PDE10A: variants seen among roughly 807,000 people sequenced by gnomAD.
The protein encoded by PDE10A is phosphodiesterase 10A.
Under a neutral mutation model 97.7 loss-of-function variants are expected in PDE10A, and 39 were observed. That is an observed-to-expected ratio of 0.40 (90% CI 0.31 to 0.52). The LOEUF is 0.52. Among genes scored for constraint, PDE10A ranks in the 20% least tolerant of loss-of-function variants. The pLI, the probability that PDE10A is intolerant of heterozygous loss-of-function variation, is 0.56. For synonymous variants in PDE10A, 371 were observed against 376.8 expected, an observed-to-expected ratio of 0.98 and a Z score of 0.18; for missense variants, 731 against 1,047.8, an observed-to-expected ratio of 0.70 and a Z score of 4.17.
chr6:165,887,702 C>T (rs1781666654), intron 1 of PDE10A, among the ~76,000 whole-genome samples: 1 of 152,228 alleles, frequency 6.6e-6, no homozygotes, highest in South Asian at 2.1e-4. Context: ...ACCTTCAAGA[C>T]ACATCCAGAG....
intron 1 of PDE10A, among the ~76,000 whole-genome samples, chr6:165,632,538 A>G (rs773530499): frequency 3.7e-4 from 56 of 152,190 alleles, no homozygotes; most frequent in Non-Finnish European, 7.1e-4. Context: ...GAAAAAGCAG[A>G]GCTATGCTCT....
At chr6:165,430,481 CA>C in intron 8 of PDE10A, 136 bp from the exon 9 acceptor site, 1 of 569,642 alleles carries the variant, frequency 1.8e-6, no homozygotes, top group Non-Finnish European at 3.1e-6. Context: ...ATAATAATAT[CA>C]ATAACCATTA....
At chr6:165,605,168 G>A (rs371517193) in intron 1 of PDE10A, among the ~76,000 whole-genome samples, 10 of 152,006 alleles carry the variant, frequency 6.6e-5, no homozygotes, top group Middle Eastern at 3.4e-3. Flanking sequence ...TCTCTACAGC[G>A]GTCCACCAGT....
At chr6:165,515,841 C>T (rs905156721) in intron 2 of PDE10A, among the ~76,000 whole-genome samples, 11 of 151,966 alleles carry the variant, frequency 7.2e-5, no homozygotes, top group Non-Finnish European at 1.6e-4. Flanking sequence ...ATATTTAAGA[C>T]TGTATCATTG....
At chr6:165,426,112 T>C (rs1227858565) in intron 10 of PDE10A, among the ~76,000 whole-genome samples, 8 of 152,190 alleles carry the variant, frequency 5.3e-5, no homozygotes, top group African/African-American at 1.9e-4. Context: ...GTTGTTAAGA[T>C]GGCAATACTT....
chr6:165,408,946 A>C (rs985418007), intron 13 of PDE10A, among the ~76,000 whole-genome samples: 1 of 151,790 alleles, frequency 6.6e-6, no homozygotes, highest in Non-Finnish European at 1.5e-5. Context: ...CGGGCGGATC[A>C]CGAGGTCAGG....
chr6:165,485,425 A>G (rs1613103), intron 2 of PDE10A, among the ~76,000 whole-genome samples: 42,865 of 146,510 alleles, frequency 0.29, 6,646 homozygotes, highest in African/African-American at 0.4. Context: ...CCAAGGTCAC[A>G]TGACTGCACT....
chr6:165,977,696 T>C (rs1784890589), intron 1 of PDE10A, among the ~76,000 whole-genome samples: 1 of 152,172 alleles, frequency 6.6e-6, no homozygotes, highest in South Asian at 2.1e-4. Flanking sequence ...CAATGACTAA[T>C]AAAGAACATT....
intron 1 of PDE10A, among the ~76,000 whole-genome samples, chr6:165,693,509 C>T (rs376251012): frequency 1.7e-3 from 181 of 104,918 alleles, no homozygotes; most frequent in African/African-American, 6.1e-3. Context: ...CCAGCTTGGG[C>T]GGCAGAGGGA....
chr6:165,648,242 G>C (rs1386234620), intron 1 of PDE10A, among the ~76,000 whole-genome samples: 1 of 152,018 alleles, frequency 6.6e-6, no homozygotes, highest in Non-Finnish European at 1.5e-5. Flanking sequence ...TCGATCTCCT[G>C]ACCTCGTGAT....
intron 3 of PDE10A, among the ~76,000 whole-genome samples, chr6:165,461,581 C>T (rs1296531230): frequency 2.6e-5 from 4 of 152,158 alleles, no homozygotes; most frequent in Admixed American, 6.5e-5. Flanking sequence ...TGCTCAGTTA[C>T]GATTTCATAC....
chr6:165,678,933 T>A (rs920664831), intron 1 of PDE10A, among the ~76,000 whole-genome samples: 4 of 152,156 alleles, frequency 2.6e-5, no homozygotes, highest in Non-Finnish European at 5.9e-5. Flanking sequence ...TTCCGATTCG[T>A]GTATGTTAAG....
At chr6:165,337,559 G>C (rs1331707459) in intron 20 of PDE10A, among the ~76,000 whole-genome samples, 1 of 152,128 alleles carries the variant, frequency 6.6e-6, no homozygotes, top group African/African-American at 2.4e-5. Context: ...CAAGATCCCA[G>C]AAAAGATACT....
intron 13 of PDE10A, among the ~76,000 whole-genome samples, chr6:165,397,258 T>C (rs1226638194): frequency 1.3e-5 from 2 of 152,212 alleles, no homozygotes; most frequent in Non-Finnish European, 2.9e-5. Context: ...TTGTGAATTA[T>C]TAAATAGGTG....
chr6:165,730,540 T>C (rs1792403901), intron 1 of PDE10A, among the ~76,000 whole-genome samples: 1 of 148,968 alleles, frequency 6.7e-6, no homozygotes, highest in Non-Finnish European at 1.5e-5. Flanking sequence ...TCACTTGAGG[T>C]CAGGGGTTCG....
chr6:165,807,122 G>A (rs1027876277), intron 1 of PDE10A, among the ~76,000 whole-genome samples: 2 of 151,908 alleles, frequency 1.3e-5, no homozygotes, highest in African/African-American at 2.4e-5. Context: ...ACCTGAGATG[G>A]AGAGCTGAGT....
At chr6:165,447,359 T>C (rs958871787) in intron 5 of PDE10A, among the ~76,000 whole-genome samples, 7 of 152,138 alleles carry the variant, frequency 4.6e-5, no homozygotes, top group African/African-American at 1.4e-4. Context: ...GAGTCCAAGA[T>C]ACAGGTTTTA....
intron 1 of PDE10A, among the ~76,000 whole-genome samples, chr6:165,874,726 T>C (rs1781290643): frequency 1.3e-5 from 2 of 152,182 alleles, no homozygotes; most frequent in Non-Finnish European, 2.9e-5. Context: ...AAAATATATT[T>C]CAAGTCCACT....
At chr6:165,968,295 T>C (rs1784571761) in intron 1 of PDE10A, among the ~76,000 whole-genome samples, 1 of 152,252 alleles carries the variant, frequency 6.6e-6, no homozygotes, top group Non-Finnish European at 1.5e-5. Flanking sequence ...TCGCAGGTCA[T>C]TGTATTTTAC....
Sources: gnomAD v4.1 joint callset for allele counts (sites outside exome capture counted in the v4.1 genomes callset) on GRCh38, gnomAD v4.1.1 for gene constraint, MANE v1.5 for transcripts, NCBI Gene and HGNC (gene_info 2026-07-23, HGNC 2026-07-21) for gene names.